Variants in CDH18 observed in about 807,000 individuals in gnomAD.
CDH18 encodes cadherin-18.
CDH18 carries 31 observed loss-of-function variants against 67.9 expected under a neutral mutation model. The ratio of observed to expected loss-of-function variants is 0.46; its 90% CI spans 0.34 to 0.62. The LOEUF (loss-of-function observed/expected upper bound fraction) is 0.62. CDH18 is among the 20% of genes least tolerant of loss of function. The pLI is 0.01. For missense variants in CDH18, 890 were observed against 975.5 expected, an observed-to-expected ratio of 0.91 and a Z score of 1.17; for synonymous variants, 362 against 347.2, an observed-to-expected ratio of 1.04 and a Z score of -0.48.
chr5:20,028,663 G>C (rs1398088313), intron 2 of CDH18, among the ~76,000 whole-genome samples: 1 of 152,110 alleles, frequency 6.6e-6, no homozygotes, highest in Non-Finnish European at 1.5e-5. Context: ...CAATCACTTT[G>C]TATTGGGCAA....
At chr5:19,507,598 C>T (rs1052954384) in intron 10 of CDH18, among the ~76,000 whole-genome samples, 5 of 152,204 alleles carry the variant, frequency 3.3e-5, no homozygotes, top group Middle Eastern at 3.4e-3. Flanking sequence ...AGTTCATGTC[C>T]TTTGTAGGGA....
intron 3 of CDH18, among the ~76,000 whole-genome samples, chr5:19,750,770 C>A (rs1417196330): frequency 6.9e-6 from 1 of 145,184 alleles, no homozygotes. Context: ...GCCCCCCCCC[C>A]CCCACTTTTT....
intron 2 of CDH18, among the ~76,000 whole-genome samples, chr5:19,918,788 C>A (rs1792110770): frequency 6.6e-6 from 1 of 152,104 alleles, no homozygotes; most frequent in South Asian, 2.1e-4. Flanking sequence ...TGGTTTCTGA[C>A]ACACTTTCCT....
chr5:20,574,167 C>T (rs544951865), intron 1 of CDH18, among the ~76,000 whole-genome samples: 123 of 151,314 alleles, frequency 8.1e-4, no homozygotes, highest in Middle Eastern at 3.4e-3. Flanking sequence ...AATATCATCT[C>T]GCATTTAGAA....
chr5:20,140,538 C>T lies in CDH18; in HGVS notation c.-518+114906G>A, dbSNP rs188973190. Among the ~76,000 whole-genome samples, 13 of 152,114 alleles carry T rather than the reference C, an allele frequency of 8.5e-5. No individual in the cohort carries two copies. In the South Asian group the frequency reaches 1.5e-3, roughly 17 times the overall value. The stretch of plus-strand genomic sequence containing the variant: ...CATGAAAGGGTGGCATCCTCTAACT[C>T]TCCAGTCCTGAGGTGTTTTTCACTG... On this transcript the variant is annotated intron_variant, in intron 2 of 14. Coordinates refer to the CDH18 transcript ENST00000507958.
At chr5:19,643,805 T>C (rs950048928) in intron 5 of CDH18, among the ~76,000 whole-genome samples, 2 of 152,108 alleles carry the variant, frequency 1.3e-5, no homozygotes, top group Non-Finnish European at 2.9e-5. Flanking sequence ...TACTCAAAAT[T>C]TGATAAGATG....
chr5:20,115,219 T>G (rs1291815658), intron 2 of CDH18, among the ~76,000 whole-genome samples: 1 of 151,016 alleles, frequency 6.6e-6, no homozygotes, highest in African/African-American at 2.4e-5. Flanking sequence ...TCTCTTTCTT[T>G]TCTTATAAGG....
intron 1 of CDH18, among the ~76,000 whole-genome samples, chr5:20,392,941 A>G (rs1744991350): frequency 6.6e-6 from 1 of 151,860 alleles, no homozygotes; most frequent in Non-Finnish European, 1.5e-5. Context: ...ACCATTGGAT[A>G]TGAGTATATG....
chr5:20,480,688 T>C (rs1260314939), intron 1 of CDH18, among the ~76,000 whole-genome samples: 2 of 152,304 alleles, frequency 1.3e-5, no homozygotes, highest in East Asian at 3.9e-4. Context: ...GTGCTGGAAT[T>C]ACTGCACCTG....
chr5:19,686,138 G>T (rs1423623668), intron 5 of CDH18, among the ~76,000 whole-genome samples: 1 of 151,956 alleles, frequency 6.6e-6, no homozygotes, highest in Admixed American at 6.6e-5. Flanking sequence ...CTGATATAAT[G>T]CAAAATATAT....
chr5:19,584,252 C>T (rs1177266540), intron 7 of CDH18, among the ~76,000 whole-genome samples: 1 of 152,114 alleles, frequency 6.6e-6, no homozygotes, highest in African/African-American at 2.4e-5. Flanking sequence ...ATGTACCACA[C>T]CATGCACCAG....
At chr5:19,600,313 G>A (rs1746902945) in intron 6 of CDH18, among the ~76,000 whole-genome samples, 3 of 151,656 alleles carry the variant, frequency 2.0e-5, no homozygotes, top group South Asian at 2.1e-4. Flanking sequence ...AAACCTGCAC[G>A]TTGTGCACAT....
At chr5:19,993,019 C>T (rs555350371), upstream of CDH18, among the ~76,000 whole-genome samples, 3 of 152,280 alleles carry the variant, frequency 2.0e-5, no homozygotes, top group South Asian at 6.2e-4. Flanking sequence ...AACTCCAAAC[C>T]TGCCCTGAAA....
chr5:20,573,806 AATATATATATATATATATATATATATAT>A (rs60858438), intron 1 of CDH18, among the ~76,000 whole-genome samples: 1 of 119,124 alleles, frequency 8.4e-6, no homozygotes, highest in Non-Finnish European at 1.8e-5. Flanking sequence ...ACTTAAAAGA[AATATATATATATATATATATATATATAT>A]ATATATATAT....
intron 8 of CDH18, among the ~76,000 whole-genome samples, chr5:19,544,455 TAAAATGAA>T (rs1735972501): frequency 6.6e-6 from 1 of 152,058 alleles, no homozygotes; most frequent in South Asian, 2.1e-4. Context: ...AAAAATAATA[TAAAATGAA>T]AAACAAAACA....
intron 2 of CDH18, among the ~76,000 whole-genome samples, chr5:20,133,137 G>A (rs1310330163): frequency 2.0e-5 from 3 of 152,076 alleles, no homozygotes; most frequent in African/African-American, 4.8e-5. Context: ...TTACTCATTT[G>A]TATTACTTAT....
At chr5:20,112,307 C>T (rs906565517) in intron 2 of CDH18, among the ~76,000 whole-genome samples, 1 of 152,144 alleles carries the variant, frequency 6.6e-6, no homozygotes, top group African/African-American at 2.4e-5. Flanking sequence ...AACAACTATT[C>T]ATGACAGAAA....
intron 2 of CDH18, among the ~76,000 whole-genome samples, chr5:19,887,134 A>G (rs950667707): frequency 2.0e-5 from 3 of 151,782 alleles, no homozygotes; most frequent in Non-Finnish European, 4.4e-5. Flanking sequence ...AAGAATGGCT[A>G]AAAATTTGTT....
intron 1 of CDH18, among the ~76,000 whole-genome samples, chr5:20,259,000 T>G (rs2126626185): frequency 6.6e-6 from 1 of 152,226 alleles, no homozygotes; most frequent in Non-Finnish European, 1.5e-5. Context: ...TGAGATACTT[T>G]ATCACCCACA....
Sources: gnomAD v4.1 joint callset for allele counts (sites outside exome capture counted in the v4.1 genomes callset) on GRCh38, gnomAD v4.1.1 for gene constraint, MANE v1.5 for transcripts, NCBI Gene and HGNC (gene_info 2026-07-23, HGNC 2026-07-21) for gene names.